Variants in IL5RA observed in about 807,000 individuals in gnomAD.
IL5RA encodes interleukin 5 receptor subunit alpha, also known as interleukin-5 receptor subunit alpha.
A neutral mutation model predicts 50.0 loss-of-function variants in IL5RA; 49 were observed. The ratio of observed to expected loss-of-function variants is 0.98; its 90% CI spans 0.78 to 1.24. IL5RA has a LOEUF of 1.24. IL5RA is among the 50% of genes most tolerant of loss of function. The pLI is 0.00. For synonymous variants in IL5RA, 202 were observed against 174.0 expected (o/e 1.16, Z -1.26); for missense variants, 600 against 500.4 (o/e 1.20, Z -1.90).
intron 9 of IL5RA, among the ~76,000 whole-genome samples, chr3:3,077,598 A>T (rs1403100304): frequency 6.6e-6 from 1 of 152,148 alleles, no homozygotes; most frequent in Non-Finnish European, 1.5e-5. Flanking sequence ...GTGAAATCCC[A>T]TCTCTACTAA....
At chr3:3,078,323 A>C (rs1426111160) in intron 9 of IL5RA, among the ~76,000 whole-genome samples, 2 of 152,168 alleles carry the variant, frequency 1.3e-5, no homozygotes, top group Non-Finnish European at 2.9e-5. Context: ...AATGCTAGTG[A>C]TTCCAGCCTT....
At chr3:3,072,554 G>A (rs1702338467) in intron 11 of IL5RA, among the ~76,000 whole-genome samples, 1 of 152,188 alleles carries the variant, frequency 6.6e-6, no homozygotes, top group African/African-American at 2.4e-5. Context: ...TTGGGGCTCT[G>A]TAGGGAAATT....
intron 7 of IL5RA, 60 bp from the exon 8 acceptor site, chr3:3,095,504 A>G (rs1249760434): frequency 1.5e-6 from 2 of 1,344,464 alleles, no homozygotes; most frequent in Non-Finnish European, 2.1e-6. Flanking sequence ...CAAAGCTGAT[A>G]ATTCCAATCC....
chr3:3,074,877 A>C lies in IL5RA; in HGVS notation c.1092-11T>G. 1.3e-6 allele frequency: 2 copies of C among 1,556,546 alleles called. No homozygotes were observed. The highest frequency in any genetic ancestry group is 2.2e-5 in the South Asian group (2 of 89,704). On this transcript the variant is annotated splice_polypyrimidine_tract_variant and intron_variant, in intron 10 of 11. Coordinates refer to ENST00000446632, the MANE Select transcript of IL5RA (RefSeq NM_175726.4). ...ATCCATAAATGACATCTGAAAACAG[A>C]GTAAAGAAGGAATTAGGTGAGCATG...
At chr3:3,074,435 C>G (rs1173945534) in intron 11 of IL5RA, among the ~76,000 whole-genome samples, 1 of 152,154 alleles carries the variant, frequency 6.6e-6, no homozygotes, top group Non-Finnish European at 1.5e-5. Flanking sequence ...TAACTCAGTA[C>G]CTTTCCAATA....
intron 9 of IL5RA, among the ~76,000 whole-genome samples, chr3:3,088,211 A>T (rs1315834246): frequency 6.6e-6 from 1 of 152,200 alleles, no homozygotes; most frequent in Non-Finnish European, 1.5e-5. Flanking sequence ...CTCGTTATGG[A>T]TCACAATTTC....
At chr3:3,089,654 T>TTC (rs1488046366) in intron 9 of IL5RA, among the ~76,000 whole-genome samples, 1 of 152,096 alleles carries the variant, frequency 6.6e-6, no homozygotes, top group African/African-American at 2.4e-5. Flanking sequence ...GTCTTTTTTT[T>TTC]TTTTTGAGAT....
chr3:3,090,671 A>C (rs1165293873), intron 9 of IL5RA, among the ~76,000 whole-genome samples: 6 of 142,688 alleles, frequency 4.2e-5, no homozygotes, highest in African/African-American at 1.6e-4. Flanking sequence ...GGTTCACGCC[A>C]TTCTCCTGCC....
intron 9 of IL5RA, among the ~76,000 whole-genome samples, chr3:3,079,320 A>G (rs1020283596): frequency 6.6e-6 from 1 of 152,114 alleles, no homozygotes; most frequent in Non-Finnish European, 1.5e-5. Flanking sequence ...AACCAAACGC[A>G]TGTTCTTCTT....
intron 11 of IL5RA, among the ~76,000 whole-genome samples, chr3:3,071,580 TGTGTGTGTGTGTGTG>T (rs1559858864): frequency 7.5e-5 from 11 of 147,254 alleles, no homozygotes; most frequent in African/African-American, 2.5e-4. Flanking sequence ...TGTGTGTGTG[TGTGTGTGTGTGTGTG>T]TATTTTTTTT....
intron 8 of IL5RA, among the ~76,000 whole-genome samples, chr3:3,094,824 G>C (rs1703278587): frequency 6.6e-6 from 1 of 152,164 alleles, no homozygotes; most frequent in African/African-American, 2.4e-5. Context: ...CCTGGTTGAA[G>C]TGATTCTCCT....
chr3:3,106,545 C>G (rs1295263537), intron 2 of IL5RA, among the ~76,000 whole-genome samples: 1 of 151,648 alleles, frequency 6.6e-6, no homozygotes, highest in Admixed American at 6.6e-5. Flanking sequence ...GATTTCACAC[C>G]ATGTAGAAAT....
Position 3,092,015 on chromosome 3 carries a change from G to A in IL5RA, c.994+209C>T, listed in dbSNP as rs2125972217. On this transcript the variant is annotated intron_variant, in intron 9 of 11. Coordinates refer to ENST00000446632, the MANE Select transcript of IL5RA (RefSeq NM_175726.4). This position sits in a 1 kb window ranked among gnomAD's most constrained non-coding sequence, Gnocchi z 4.2. ...ACAGGCACCAGGTCTAGGAGAGTTG[G>A]CGCTAATGAGAAGCCTAGACACTTA... 1 of 1,287,034 alleles carries A rather than the reference G, an allele frequency of 7.8e-7. No homozygotes were observed. Among genetic ancestry groups the A allele is most frequent in the East Asian group, 3.0e-5 (1 of 33,566 alleles). 79.7% of individuals were successfully genotyped at this position (1,287,034 alleles called of 1,614,324 possible).
At chr3:3,099,431 C>A (rs1703530423) in intron 5 of IL5RA, among the ~76,000 whole-genome samples, 2 of 151,992 alleles carry the variant, frequency 1.3e-5, no homozygotes, top group South Asian at 4.1e-4. Flanking sequence ...GAGTTTGAAA[C>A]AAGACTGGGC....
chr3:3,091,577 C>T lies in IL5RA; in HGVS notation c.994+647G>A, dbSNP rs17885368. Among the ~76,000 whole-genome samples the T allele has an allele frequency of 8.4e-3, 1,277 of 152,080 alleles. 17 individuals are homozygous for T. The highest frequency in any genetic ancestry group is 0.029 in the African/African-American group (1,212 of 41,496). ...TGAAACCCTGTCTCTACTAAAAATA[C>T]AAAAATTAGCCAGGCGTGGTGGCAT... is the stretch of plus-strand genomic sequence containing the variant. On this transcript the variant is annotated intron_variant, in intron 9 of 11. Transcript: ENST00000446632.
At chr3:3,086,006 G>A (rs1054309965) in intron 9 of IL5RA, among the ~76,000 whole-genome samples, 1 of 152,200 alleles carries the variant, frequency 6.6e-6, no homozygotes, top group African/African-American at 2.4e-5. Flanking sequence ...TCCCCTGGGT[G>A]TAGGTGCCAT....
Position 3,076,446 on chromosome 3 carries a change from C to A in IL5RA, c.1091+85G>T, listed in dbSNP as rs911506958. On this transcript the variant is annotated intron_variant, in intron 10 of 11. Coordinates refer to ENST00000446632, the MANE Select transcript of IL5RA (RefSeq NM_175726.4). Reference sequence around the variant, plus strand: ...ACAAATTTTACCTGATAATAAGAACCCTCTGCCTACCGGATGCATGGTAAG... The same window carrying A: ...ACAAATTTTACCTGATAATAAGAACACTCTGCCTACCGGATGCATGGTAAG... The A allele has an allele frequency of 1.9e-5, 16 of 848,604 alleles. No individual in the cohort carries two copies. The East Asian group carries it at 3.5e-4, about 19-fold the overall frequency. The allele number at this position is 848,604 out of a possible 1,614,324, so 52.6% of individuals were successfully genotyped here.
rs1351112944 is a variant in IL5RA, at chr3:3,068,397, C to G, written c.*1828G>C. On this transcript the variant is annotated 3_prime_UTR_variant, in exon 12 of 12. Coordinates refer to ENST00000446632, the MANE Select transcript of IL5RA (RefSeq NM_175726.4). ...GATGAACCTAGACAGCATGGCAAAA[C>G]CCCAGCTTTACAAAAAAAAATACAA... is the stretch of plus-strand genomic sequence containing the variant. 1 of 151,012 alleles carries G rather than the reference C, an allele frequency of 6.6e-6. No individual in the cohort carries two copies. Among genetic ancestry groups the G allele is most frequent in the Non-Finnish European group, 1.5e-5 (1 of 67,932 alleles). The allele number at this position is 151,012 out of a possible 1,614,324, so 9.4% of individuals were successfully genotyped here. A position where few individuals can be genotyped will look rare whatever the true frequency, so the allele number is the denominator to read the frequency against.
chr3:3,095,111 C>T (rs1703297201), intron 8 of IL5RA, among the ~76,000 whole-genome samples, 188 bp downstream of exon 8: 1 of 152,148 alleles, frequency 6.6e-6, no homozygotes, highest in African/African-American at 2.4e-5. Flanking sequence ...TATGTTCTTT[C>T]AAAACAAAAG....
Sources: allele counts gnomAD v4.1 joint callset (sites outside exome capture counted in the v4.1 genomes callset), GRCh38; gene constraint gnomAD v4.1.1; non-coding constraint Gnocchi (gnomAD v3.1); transcripts MANE v1.5; gene names NCBI Gene and HGNC (gene_info 2026-07-23, HGNC 2026-07-21).